Variants in VPS29 observed in about 807,000 individuals in gnomAD.
VPS29 encodes the protein VPS29 retromer complex component.
A neutral mutation model predicts 20.0 loss-of-function variants in VPS29; 2 were observed. The ratio of observed to expected loss-of-function variants is 0.10; its 90% CI spans 0.04 to 0.31. VPS29 has a LOEUF of 0.31. Among genes scored for constraint, VPS29 ranks in the 10% least tolerant of loss-of-function variants. The pLI is 1.00. For synonymous variants in VPS29, 81 were observed against 79.3 expected (o/e 1.02, Z -0.12); for missense variants, 120 against 215.3 (o/e 0.56, Z 2.77).
At chr12:110,501,462 T>C (rs766695672) in intron 1 of VPS29, 3 of 1,535,476 alleles carry the variant, frequency 2.0e-6, no homozygotes, top group African/African-American at 1.4e-5. Context: ...TTCCAGCAAT[T>C]GCAAGCGCCA....
intron 1 of VPS29, among the ~76,000 whole-genome samples, chr12:110,498,598 T>C (rs940272466): frequency 6.6e-6 from 1 of 152,196 alleles, no homozygotes; most frequent in African/African-American, 2.4e-5. Context: ...GACACAGAGT[T>C]ATCGGGACAT....
intron 1 of VPS29, chr12:110,496,863 C>T (rs1455337361): frequency 6.6e-6 from 1 of 152,100 alleles, no homozygotes; most frequent in Non-Finnish European, 1.5e-5. Flanking sequence ...ATACAACAGC[C>T]TTCAGTTTCA....
chr12:110,501,914 C>A, intron 1 of VPS29, 135 bp downstream of exon 1: 2 of 1,578,858 alleles, frequency 1.3e-6, no homozygotes, highest in Non-Finnish European at 8.6e-7. Context: ...GGGCCTTTCC[C>A]AGGCCAGCGC....
chr12:110,496,212 T>G lies in VPS29; in HGVS notation c.4-9A>C, dbSNP rs200088547. On this transcript the variant is annotated splice_polypyrimidine_tract_variant and intron_variant, in intron 1 of 3. Coordinates refer to ENST00000549578, the MANE Select transcript of VPS29 (RefSeq NM_016226.5). Reference sequence around the variant, plus strand: ...CCTAATACCAACACCAACTTTAAAGTGTCAAGGTGAGATAAAGCATAATGT... The same window carrying G: ...CCTAATACCAACACCAACTTTAAAGGGTCAAGGTGAGATAAAGCATAATGT... 1.7e-5 allele frequency: 27 copies of G among 1,592,160 alleles called. No homozygotes were observed. The South Asian group carries it at 2.0e-4, about 12-fold the overall frequency.
chr12:110,495,213 T>C (rs1231656017), intron 2 of VPS29, among the ~76,000 whole-genome samples: 1 of 152,130 alleles, frequency 6.6e-6, no homozygotes, highest in African/African-American at 2.4e-5. Flanking sequence ...AAAGTCAGCC[T>C]TTGAGAAAGG....
At chr12:110,501,779 A>C in intron 1 of VPS29, 1 of 1,076,112 alleles carries the variant, frequency 9.3e-7, no homozygotes, top group Non-Finnish European at 1.4e-6. Context: ...GTCTCGTGAC[A>C]GGTCGGGCTG....
chr12:110,501,621 A>G, intron 1 of VPS29: 1 of 1,534,442 alleles, frequency 6.5e-7, no homozygotes, highest in Non-Finnish European at 8.7e-7. Context: ...TGCATTCGAG[A>G]GGCCAGCTTC....
chr12:110,496,114 A>C lies in VPS29; in HGVS notation c.93T>G (p.Ile31Met), dbSNP rs754366680. ...KFKKLLVPGK[I>M]QHILCTGNLC... ...GGTTTCCTGTGCAGAGAATGTGCTGAATTTTTCCTGGCACCAGGAGTTTTT... is the reference window on the plus strand; with the variant it reads ...GGTTTCCTGTGCAGAGAATGTGCTGCATTTTTCCTGGCACCAGGAGTTTTT... The change falls in exon 2 of 4, where the codon ATT (isoleucine) becomes ATG (methionine). Residue 31 changes from isoleucine (I) to methionine (M), a missense_variant. By Grantham distance (10) the Ile-to-Met change is conservative. Transcript: ENST00000549578. 6.2e-7 allele frequency: 1 copy of C among 1,613,962 alleles called. No individual in the cohort carries two copies. The highest frequency in any genetic ancestry group is 1.7e-5 in the Admixed American group (1 of 59,996).
rs142605655 is a variant in VPS29 at position 110,500,677 on chromosome 12, A to G, written c.3+1372T>C. ...AAAGAATGCAATAAATGCCTGTCAG[A>G]GGTAGACGTCCCTTTACAGCCAACC... is the stretch of plus-strand genomic sequence containing the variant. On this transcript the variant is annotated intron_variant, in intron 1 of 3. Transcript: ENST00000549578. Among the ~76,000 whole-genome samples the G allele has an allele frequency of 3.5e-3, 529 of 152,302 alleles. 1 individual carries two copies. Among genetic ancestry groups the G allele is most frequent in the African/African-American group, 0.012 (496 of 41,568 alleles).
intron 1 of VPS29, among the ~76,000 whole-genome samples, chr12:110,497,850 ATGGCAC>A (rs560709472): frequency 2.2e-4 from 33 of 151,976 alleles, no homozygotes; most frequent in East Asian, 3.9e-4. Flanking sequence ...GTGAGCTGAG[ATGGCAC>A]TGGCACTGGC....
intron 1 of VPS29, 77 bp downstream of exon 1, chr12:110,501,972 C>T: frequency 6.2e-7 from 1 of 1,612,316 alleles, no homozygotes; most frequent in Non-Finnish European, 8.5e-7. Flanking sequence ...TCCTCGCCCT[C>T]GGCCTCCCCA....
intron 2 of VPS29, among the ~76,000 whole-genome samples, chr12:110,493,970 T>C (rs923470913): frequency 3.3e-5 from 5 of 152,184 alleles, no homozygotes; most frequent in African/African-American, 1.2e-4. Flanking sequence ...CAGGCACTAC[T>C]GTAGGGGTTT....
chr12:110,499,535 T>G lies in VPS29; in HGVS notation c.3+2514A>C, dbSNP rs1371393724. 1.9e-6 allele frequency: 3 copies of G among 1,612,362 alleles called. No individual in the cohort carries two copies. The South Asian group carries it at 3.3e-5, about 18-fold the overall frequency. On this transcript the variant is annotated intron_variant, in intron 1 of 3. Coordinates refer to ENST00000549578, the MANE Select transcript of VPS29 (RefSeq NM_016226.5). ...GTAGGAGCTAAGTGAAGAAACTTACTCTGTGCCCAGCCTTAGTGGAATGAA... is the reference window on the plus strand; with the variant it reads ...GTAGGAGCTAAGTGAAGAAACTTACGCTGTGCCCAGCCTTAGTGGAATGAA...
At chr12:110,501,668 C>T (rs1409958524) in intron 1 of VPS29, 1 of 1,509,272 alleles carries the variant, frequency 6.6e-7, no homozygotes, top group Admixed American at 2.0e-5. Context: ...GTGCTTTTTG[C>T]GGGAAACGAG....
chr12:110,492,172 C>G (rs1439369092), intron 3 of VPS29, 50 bp from the exon 4 acceptor site: 1 of 1,371,718 alleles, frequency 7.3e-7, no homozygotes, highest in African/African-American at 1.4e-5. Flanking sequence ...AAAGCAGCAG[C>G]ACTATAAATT....
Position 110,497,247 on chromosome 12 carries a change from C to G in VPS29, c.4-1044G>C, listed in dbSNP as rs1337316866. On this transcript the variant is annotated intron_variant, in intron 1 of 3. Transcript: ENST00000549578. ...TTTTTTTTTTTTTGAGACGGAGTCT[C>G]ACTCTGTCGCCCAGGCTGGAGTGCA... 1.1e-4 allele frequency among the ~76,000 whole-genome samples: 12 copies of G among 111,118 alleles called. No individual in the cohort carries two copies. The East Asian group carries it at 2.8e-3, about 26-fold the overall frequency. The allele number at this position is 111,118 out of a possible 152,430, so 72.9% of individuals were successfully genotyped here.
intron 1 of VPS29, chr12:110,499,364 G>T: frequency 2.1e-6 from 2 of 945,428 alleles, no homozygotes; most frequent in Non-Finnish European, 3.0e-6. Flanking sequence ...CTTTAAGAAA[G>T]CAAAAGATCC....
At position 110,501,698 on chromosome 12, in the gene VPS29, G is replaced by A. The variant is rs1445693001; in HGVS notation, c.3+351C>T. On this transcript the variant is annotated intron_variant, in intron 1 of 3. Transcript: ENST00000549578. ...AACGAGTAGGAACCGTCTGGAAACG[G>A]AGGACCGTGCCCCTATCCCCGGAAC... 2.2e-6 allele frequency: 3 copies of A among 1,382,428 alleles called. No homozygotes were observed. In the Admixed American group the frequency reaches 5.9e-5, roughly 27 times the overall value. The allele number at this position is 1,382,428 out of a possible 1,614,324, so 85.6% of individuals were successfully genotyped here. A position where few individuals can be genotyped will look rare whatever the true frequency, so the allele number is the denominator to read the frequency against.
chr12:110,502,081 C>G lies in VPS29; in HGVS notation c.-30G>C. 2.5e-6 allele frequency: 4 copies of G among 1,607,770 alleles called. No homozygotes were observed. Among genetic ancestry groups the G allele is most frequent in the Non-Finnish European group, 3.4e-6 (4 of 1,177,262 alleles). On this transcript the variant is annotated 5_prime_UTR_variant, in exon 1 of 4. Transcript: ENST00000549578. ...TCACCGGGCTCCGCTCAGTCACCAC[C>G]ACCGTCGCCGCCCTCTTCCTCAGGC...
Sources: allele counts gnomAD v4.1 joint callset (sites outside exome capture counted in the v4.1 genomes callset), GRCh38; gene constraint gnomAD v4.1.1; transcripts MANE v1.5; gene names NCBI Gene and HGNC (gene_info 2026-07-23, HGNC 2026-07-21).